The following DYNC2H1 variants were observed in gnomAD, a reference collection of about 807,000 sequenced individuals.
DYNC2H1 encodes cytoplasmic dynein 2 heavy chain 1.
A neutral mutation model predicts 570.0 loss-of-function variants in DYNC2H1; 410 were observed. The observed-to-expected ratio is 0.72, with a 90% CI of 0.66 to 0.78. The LOEUF (loss-of-function observed/expected upper bound fraction) is 0.78. Among genes scored for constraint, DYNC2H1 ranks in the 30% least tolerant of loss-of-function variants. DYNC2H1 has a pLI of 0.00. For synonymous variants in DYNC2H1, 1,688 were observed against 1,677.6 expected (o/e 1.01, Z -0.15); for missense variants, 4,865 against 5,046.4 (o/e 0.96, Z 1.09).
At chr11:103,413,384 A>G (rs1317696265) in intron 84 of DYNC2H1, among the ~76,000 whole-genome samples, 1 of 149,498 alleles carries the variant, frequency 6.7e-6, no homozygotes, top group Non-Finnish European at 1.5e-5. Context: ...TTAAAACATA[A>G]TATTTATGTT....
Position 103,151,669 on chromosome 11 carries a change from G to C in DYNC2H1, c.2947-467G>C, listed in dbSNP as rs1860549809. 6.6e-6 allele frequency among the ~76,000 whole-genome samples: 1 copy of C among 152,108 alleles called. No homozygotes were observed. The highest frequency in any genetic ancestry group is 1.9e-4 in the East Asian group (1 of 5,198). On this transcript the variant is annotated intron_variant, in intron 20 of 88. Coordinates refer to ENST00000375735, the MANE Select transcript of DYNC2H1 (RefSeq NM_001377.3). The surrounding 1 kb of genome is among the most constrained non-coding windows in gnomAD (Gnocchi z 4.6). The stretch of plus-strand genomic sequence containing the variant: ...GCATGAGCTTAATTTCACTTCTTTA[G>C]TTGTCTGTTTCTTAAGTACCTTTTT...
At chr11:103,336,387 T>A (rs945686482) in intron 82 of DYNC2H1, among the ~76,000 whole-genome samples, 3 of 152,164 alleles carry the variant, frequency 2.0e-5, no homozygotes, top group Non-Finnish European at 2.9e-5. Context: ...CTAGGTCTTA[T>A]TACTACTATC....
In DYNC2H1 at chr11:103,277,146, A is replaced by C. The variant is rs781115966; in HGVS notation, c.10696-3202A>C. Among the ~76,000 whole-genome samples the C allele has an allele frequency of 6.6e-6, 1 of 151,984 alleles. No homozygotes were observed. Among genetic ancestry groups the C allele is most frequent in the Non-Finnish European group, 1.5e-5 (1 of 67,962 alleles). On this transcript the variant is annotated intron_variant, in intron 70 of 88. Coordinates refer to ENST00000375735, the MANE Select transcript of DYNC2H1 (RefSeq NM_001377.3). This position sits in a 1 kb window ranked among gnomAD's most constrained non-coding sequence, Gnocchi z 4.3. ...AAGTCTCCTTTTCAGTCTCTCCCCA[A>C]CTTGTTACCCCCTTTTAGACCTTAT... is the stretch of plus-strand genomic sequence containing the variant.
rs1484859521 is a variant in DYNC2H1 at position 103,277,317 on chromosome 11, G to C, written c.10696-3031G>C. Among the ~76,000 whole-genome samples, 1 of 151,520 alleles carries C rather than the reference G, an allele frequency of 6.6e-6. No homozygotes were observed. The highest frequency in any genetic ancestry group is 1.5e-5 in the Non-Finnish European group (1 of 67,864). ...TTAGCTCCAATTTTATTTTAATGTGGGTAATTTCCTTCGGTTTTTCTTTCA... is the reference window on the plus strand; with the variant it reads ...TTAGCTCCAATTTTATTTTAATGTGCGTAATTTCCTTCGGTTTTTCTTTCA... On this transcript the variant is annotated intron_variant, in intron 70 of 88. Coordinates refer to ENST00000375735, the MANE Select transcript of DYNC2H1 (RefSeq NM_001377.3). This position sits in a 1 kb window ranked among gnomAD's most constrained non-coding sequence, Gnocchi z 4.3.
chr11:103,146,283 G>A (rs949356082), intron 18 of DYNC2H1, among the ~76,000 whole-genome samples: 78 of 152,122 alleles, frequency 5.1e-4, no homozygotes, highest in African/African-American at 1.6e-3. Flanking sequence ...ATAGCTTTCC[G>A]AATAACCTTT....
intron 70 of DYNC2H1, among the ~76,000 whole-genome samples, chr11:103,278,402 T>G (rs1015826212): frequency 6.6e-6 from 1 of 152,158 alleles, no homozygotes; most frequent in Non-Finnish European, 1.5e-5. Context: ...ATTAAAATAA[T>G]GCAGTGAGGT....
chr11:103,344,541 G>A (rs1172566897), intron 82 of DYNC2H1, among the ~76,000 whole-genome samples: 1 of 152,004 alleles, frequency 6.6e-6, no homozygotes, highest in Admixed American at 6.6e-5. Flanking sequence ...CTTTTGTCTG[G>A]AACATTCATA....
chr11:103,233,874 GTGTGGGTT>G lies in DYNC2H1; in HGVS notation c.9441-156_9441-149del, dbSNP rs1227181043. Among the ~76,000 whole-genome samples, 160 of 78,084 alleles carry G rather than the reference GTGTGGGTT, an allele frequency of 2.0e-3. 1 individual carries two copies. The highest frequency in any genetic ancestry group is 5.0e-3 in the African/African-American group (109 of 21,964). 51.2% of individuals were successfully genotyped at this position (78,084 alleles called of 152,430 possible). A position where few individuals can be genotyped will look rare whatever the true frequency, so the allele number is the denominator to read the frequency against. The stretch of plus-strand genomic sequence containing the variant: ...TGTGTGTGTGTGTGTGTGTGTGTGT[GTGTGGGTT>G]TGTCTCTTCTATTAATGATACTTTG... On this transcript the variant is annotated intron_variant, in intron 60 of 88. Coordinates refer to ENST00000375735, the MANE Select transcript of DYNC2H1 (RefSeq NM_001377.3).
rs750689751 is a variant in DYNC2H1, at chr11:103,243,685, T to C, written c.9820-8T>C. 6.3e-7 allele frequency: 1 copy of C among 1,575,538 alleles called. No individual in the cohort carries two copies. The highest frequency in any genetic ancestry group is 1.4e-5 in the African/African-American group (1 of 73,968). On this transcript the variant is annotated splice_region_variant and splice_polypyrimidine_tract_variant and intron_variant, in intron 63 of 88. Coordinates refer to ENST00000375735, the MANE Select transcript of DYNC2H1 (RefSeq NM_001377.3). The surrounding 1 kb of genome is among the most constrained non-coding windows in gnomAD (Gnocchi z 4.8). Reference sequence around the variant, plus strand: ...AAAAAACATTACTTTTCCTTTTTTTTATACTAGAGTCGAGTGTGCCCATTT... The same window carrying C: ...AAAAAACATTACTTTTCCTTTTTTTCATACTAGAGTCGAGTGTGCCCATTT...
intron 55 of DYNC2H1, 165 bp downstream of exon 55, chr11:103,216,023 A>G (rs1863369257): frequency 1.3e-6 from 1 of 798,656 alleles, no homozygotes; most frequent in Non-Finnish European, 1.9e-6. Context: ...AGGGCATGGT[A>G]TTTTCCTATA....
At chr11:103,457,280 G>T (rs1944819480) in intron 87 of DYNC2H1, among the ~76,000 whole-genome samples, 1 of 152,216 alleles carries the variant, frequency 6.6e-6, no homozygotes, top group East Asian at 1.9e-4. Context: ...ATTTTAGAGT[G>T]TACTCCTTCT....
intron 17 of DYNC2H1, 21 bp from the exon 18 acceptor site, chr11:103,143,247 A>G: frequency 2.5e-6 from 4 of 1,608,820 alleles, no homozygotes; most frequent in South Asian, 2.2e-5. Flanking sequence ...TTAATAATAC[A>G]TTTTTTCTTT....
chr11:103,344,192 A>C (rs1307182950), intron 82 of DYNC2H1, among the ~76,000 whole-genome samples: 1 of 152,240 alleles, frequency 6.6e-6, no homozygotes, highest in Non-Finnish European at 1.5e-5. Flanking sequence ...CTTTCTGTAG[A>C]GATTTTAGAT....
chr11:103,215,984 CTG>C (rs1363297475), intron 55 of DYNC2H1, 126 bp downstream of exon 55: 1 of 1,203,412 alleles, frequency 8.3e-7, no homozygotes, highest in Non-Finnish European at 1.1e-6. Flanking sequence ...CTGAGTCAGA[CTG>C]ATATTATGTC....
intron 75 of DYNC2H1, among the ~76,000 whole-genome samples, chr11:103,295,088 C>T (rs1866764584): frequency 6.6e-6 from 1 of 152,146 alleles, no homozygotes; most frequent in African/African-American, 2.4e-5. Flanking sequence ...CTATGGACAT[C>T]AGAATAGCAC....
chr11:103,154,703 C>T lies in DYNC2H1; in HGVS notation c.3467C>T (p.Thr1156Ile), dbSNP rs1414416701. 1 of 1,568,902 alleles carries T rather than the reference C, an allele frequency of 6.4e-7. No homozygotes were observed. The highest frequency in any genetic ancestry group is 1.4e-5 in the African/African-American group (1 of 73,922). The change falls in exon 24 of 89, where the codon ACA (threonine) becomes ATA (isoleucine). Residue 1156 changes from threonine (T) to isoleucine (I), a missense_variant. By Grantham distance (89) the Thr-to-Ile change is moderately conservative (BLOSUM62 -1). This residue lies in a region of DYNC2H1 where 1,936 missense variants were observed against 1,962.1 expected (regional missense o/e 0.99). Coordinates refer to ENST00000375735, the MANE Select transcript of DYNC2H1 (RefSeq NM_001377.3). ...TTTTTGGTATTTTATAGGACTAAGA[C>T]ATACCTGTTTGAGGAATTTTTGATG... ...NEDWITFRTK[T>I]YLFEEFLMNW...
At chr11:103,448,164 A>G (rs923580712) in intron 85 of DYNC2H1, among the ~76,000 whole-genome samples, 1 of 152,152 alleles carries the variant, frequency 6.6e-6, no homozygotes, top group Non-Finnish European at 1.5e-5. Flanking sequence ...AAATTAGGAT[A>G]TTACGTTTAA....
intron 84 of DYNC2H1, among the ~76,000 whole-genome samples, chr11:103,416,421 G>C (rs1266191969): frequency 6.6e-6 from 1 of 152,168 alleles, no homozygotes; most frequent in Non-Finnish European, 1.5e-5. Context: ...TCAGCTACCT[G>C]ACTTCAAACT....
chr11:103,133,690 A>G lies in DYNC2H1; in HGVS notation c.2089A>G (p.Thr697Ala). 6.2e-7 allele frequency: 1 copy of G among 1,607,810 alleles called. No individual in the cohort carries two copies. The change falls in exon 14 of 89, where the codon ACT becomes GCT. Residue 697 changes from threonine (T) to alanine (A), a missense_variant. Around this residue, in one of 5 missense-constraint regions of DYNC2H1, gnomAD observed 1,936 missense variants for 1,962.1 expected, o/e 0.99. Coordinates refer to ENST00000375735, the MANE Select transcript of DYNC2H1 (RefSeq NM_001377.3). This position sits in a 1 kb window ranked among gnomAD's most constrained non-coding sequence, Gnocchi z 4.8. ...AAATAGAAAACTGAGAAAATGGCACACTACATTTTGTGAAAAGGTATATTT... is the reference window on the plus strand; with the variant it reads ...AAATAGAAAACTGAGAAAATGGCACGCTACATTTTGTGAAAAGGTATATTT... ...TENRKLRKWH[T>A]TFCEKVVVLM...
Sources: allele counts gnomAD v4.1 joint callset (sites outside exome capture counted in the v4.1 genomes callset), GRCh38; gene constraint gnomAD v4.1.1; regional missense constraint gnomAD v4.1.1; non-coding constraint Gnocchi (gnomAD v3.1); transcripts MANE v1.5; gene names NCBI Gene and HGNC (gene_info 2026-07-23, HGNC 2026-07-21).